TLK2: variants seen among roughly 807,000 people sequenced by gnomAD.
TLK2 encodes serine/threonine-protein kinase tousled-like 2.
Under a neutral mutation model 117.3 loss-of-function variants are expected in TLK2, and 6 were observed. The observed-to-expected ratio is 0.05, with a 90% CI of 0.03 to 0.10. TLK2 has a LOEUF of 0.10. Ranked by LOEUF, TLK2 falls within the 10% of genes least tolerant of loss-of-function variation. The probability of loss-of-function intolerance (pLI) is 1.00; values close to 1 mark genes in which losing one functional copy is unlikely to be tolerated. For missense variants in TLK2, 299 were observed against 901.2 expected, an observed-to-expected ratio of 0.33 and a Z score of 8.56; for synonymous variants, 257 against 316.7, an observed-to-expected ratio of 0.81 and a Z score of 2.00.
intron 2 of TLK2, among the ~76,000 whole-genome samples, chr17:62,502,046 T>TTTTTTTTTTA (rs1417617374): frequency 7.4e-5 from 11 of 149,488 alleles, no homozygotes; most frequent in Non-Finnish European, 1.0e-4. Context: ...TTTTTTTTTT[T>TTTTTTTTTTA]ACAAATTTCA....
intron 7 of TLK2, among the ~76,000 whole-genome samples, chr17:62,546,453 T>G (rs1313756031): frequency 1.4e-5 from 2 of 147,490 alleles, no homozygotes; most frequent in African/African-American, 4.9e-5. Context: ...TAGAAAGCCA[T>G]TAGATAGTTT....
At chr17:62,596,172 G>A (rs1007899493) in intron 16 of TLK2, among the ~76,000 whole-genome samples, 2 of 152,094 alleles carry the variant, frequency 1.3e-5, no homozygotes, top group African/African-American at 4.8e-5. Context: ...CCAACTCCTG[G>A]GTTCAAGTGA....
intron 9 of TLK2, 74 bp downstream of exon 9, chr17:62,553,829 A>G: frequency 1.1e-6 from 1 of 943,818 alleles, no homozygotes; most frequent in Non-Finnish European, 1.7e-6. Context: ...TACATATCAT[A>G]GAAGTAATTA....
intron 2 of TLK2, chr17:62,516,881 T>C: frequency 1.5e-6 from 1 of 687,918 alleles, no homozygotes; most frequent in East Asian, 2.7e-5. Flanking sequence ...CCAACTTTCA[T>C]TTCATTTGCA....
At position 62,525,572 on chromosome 17, in the gene TLK2, C is replaced by T. The variant is rs201514476; in HGVS notation, c.363+1241C>T. On this transcript the variant is annotated intron_variant, in intron 6 of 21. Coordinates refer to ENST00000346027, the MANE Select transcript of TLK2 (RefSeq NM_006852.6). The stretch of plus-strand genomic sequence containing the variant: ...CAAGTGATTCTCCCAAATCAACTTC[C>T]TGAGTAGCTCGTAGTACAGGCATGT... Among the ~76,000 whole-genome samples the T allele has an allele frequency of 5.3e-5, 8 of 152,092 alleles. No individual in the cohort carries two copies. The East Asian group carries it at 1.4e-3, about 26-fold the overall frequency.
chr17:62,602,202 C>G (rs138170713), intron 19 of TLK2, 22 bp downstream of exon 19: 1 of 1,611,028 alleles, frequency 6.2e-7, no homozygotes, highest in African/African-American at 1.3e-5. Flanking sequence ...GGAGCTCTGC[C>G]AGGTTGGCTA....
At chr17:62,545,227 A>G (rs1439512091) in intron 7 of TLK2, among the ~76,000 whole-genome samples, 1 of 152,164 alleles carries the variant, frequency 6.6e-6, no homozygotes, top group African/African-American at 2.4e-5. Context: ...TGGTTTCACC[A>G]TGTTGACCAG....
chr17:62,594,073 G>A (rs942155970), intron 16 of TLK2, among the ~76,000 whole-genome samples: 2 of 151,216 alleles, frequency 1.3e-5, no homozygotes, highest in Admixed American at 6.6e-5. Flanking sequence ...GATTACAGCC[G>A]TTAGCCACCG....
At chr17:62,591,273 G>A (rs560813291) in intron 16 of TLK2, among the ~76,000 whole-genome samples, 2 of 151,694 alleles carry the variant, frequency 1.3e-5, no homozygotes, top group Admixed American at 1.3e-4. Flanking sequence ...AAGAAAATCT[G>A]TATGTTTCTA....
chr17:62,546,710 C>A (rs1439419740), intron 7 of TLK2, among the ~76,000 whole-genome samples: 2 of 151,590 alleles, frequency 1.3e-5, no homozygotes, highest in Non-Finnish European at 2.9e-5. Context: ...CACATACCAC[C>A]ACACCCAGCT....
At position 62,481,215 on chromosome 17, in the gene TLK2, A is replaced by G; in HGVS notation, c.81+9A>G. 6.2e-7 allele frequency: 1 copy of G among 1,613,746 alleles called. No homozygotes were observed. On this transcript the variant is annotated intron_variant, in intron 2 of 21. Coordinates refer to ENST00000346027, the MANE Select transcript of TLK2 (RefSeq NM_006852.6). ...GAGTAGGTGTTAGTAAGGTGAGTAA[A>G]ATGATGATCATGAACACTATTCATA... is the stretch of plus-strand genomic sequence containing the variant.
At position 62,574,220 on chromosome 17, in the gene TLK2, T is replaced by C. The variant is rs919729253; in HGVS notation, c.1121+853T>C. 1.1e-5 allele frequency: 15 copies of C among 1,409,652 alleles called. No homozygotes were observed. The African/African-American group carries it at 2.2e-4, about 20-fold the overall frequency. 87.3% of individuals were successfully genotyped at this position (1,409,652 alleles called of 1,614,324 possible). The stretch of plus-strand genomic sequence containing the variant: ...TCTGTGGCATCCTAGAAGTGCATCT[T>C]CTTTCATTCTAGTGAGAAAGATGGC... On this transcript the variant is annotated intron_variant, in intron 12 of 21. Coordinates refer to ENST00000346027, the MANE Select transcript of TLK2 (RefSeq NM_006852.6).
In TLK2 at chr17:62,572,104, A is replaced by G. The variant is rs190763920; in HGVS notation, c.969-1111A>G. ...AGAATCACTTGAACTTGGGAGACAG[A>G]GCTTGCAGTGAGCTGAGAGCTGAGA... On this transcript the variant is annotated intron_variant, in intron 11 of 21. Transcript: ENST00000346027. 3.2e-4 allele frequency among the ~76,000 whole-genome samples: 49 copies of G among 150,938 alleles called. 1 individual carries two copies. Among genetic ancestry groups the G allele is most frequent in the African/African-American group, 1.1e-3 (46 of 41,128 alleles).
At chr17:62,485,889 C>T (rs944447962) in intron 2 of TLK2, among the ~76,000 whole-genome samples, 4 of 143,888 alleles carry the variant, frequency 2.8e-5, no homozygotes, top group African/African-American at 1.0e-4. Flanking sequence ...GATGCAATCT[C>T]TACTCACTGC....
chr17:62,535,684 G>A (rs536903683), intron 6 of TLK2, among the ~76,000 whole-genome samples: 4 of 151,950 alleles, frequency 2.6e-5, no homozygotes, highest in Admixed American at 6.6e-5. Flanking sequence ...CAGGAGAATC[G>A]CTTGAACCCA....
At chr17:62,565,718 A>T (rs1380982724) in intron 11 of TLK2, among the ~76,000 whole-genome samples, 1 of 152,018 alleles carries the variant, frequency 6.6e-6, no homozygotes, top group Admixed American at 6.6e-5. Flanking sequence ...GCTGAAGCTA[A>T]GGAAGAAAAA....
chr17:62,477,298 G>A (rs927999402), upstream of TLK2, among the ~76,000 whole-genome samples: 1 of 152,020 alleles, frequency 6.6e-6, no homozygotes, highest in African/African-American at 2.4e-5. Flanking sequence ...CCCCCAACCC[G>A]CGAGCTGCTC....
intron 17 of TLK2, among the ~76,000 whole-genome samples, chr17:62,598,979 T>C (rs761958241): frequency 2.6e-5 from 4 of 152,066 alleles, no homozygotes; most frequent in African/African-American, 4.8e-5. Flanking sequence ...GGAGTCTTGC[T>C]CTGTTGCCCA....
chr17:62,559,629 C>T (rs1343362676), intron 9 of TLK2, among the ~76,000 whole-genome samples: 13 of 152,040 alleles, frequency 8.6e-5, no homozygotes, highest in Non-Finnish European at 1.9e-4. Flanking sequence ...CTGCCTGCCT[C>T]GGCCTCCCAA....
Sources: allele counts gnomAD v4.1 joint callset (sites outside exome capture counted in the v4.1 genomes callset), GRCh38; gene constraint gnomAD v4.1.1; transcripts MANE v1.5; gene names NCBI Gene and HGNC (gene_info 2026-07-23, HGNC 2026-07-21).